The following NUBPL variants were observed in gnomAD, a reference collection of about 807,000 sequenced individuals.
NUBPL encodes NUBP iron-sulfur cluster assembly factor, mitochondrial.
A neutral mutation model predicts 45.7 loss-of-function variants in NUBPL; 31 were observed. That is an observed-to-expected ratio of 0.68 (90% CI 0.51 to 0.92). The LOEUF (loss-of-function observed/expected upper bound fraction) is 0.92. NUBPL is among the 40% of genes least tolerant of loss of function. The pLI, the probability that NUBPL is intolerant of heterozygous loss-of-function variation, is 0.00. For synonymous variants in NUBPL, 144 were observed against 140.9 expected (o/e 1.02, Z -0.15); for missense variants, 401 against 398.7 (o/e 1.01, Z -0.05).
intron 4 of NUBPL, among the ~76,000 whole-genome samples, chr14:31,667,564 ACTCTT>A (rs1443322677): frequency 2.0e-5 from 3 of 150,854 alleles, no homozygotes; most frequent in African/African-American, 2.4e-5. Context: ...AATTCGTCAT[ACTCTT>A]CTCTGTTCAG....
chr14:31,610,391 CCAA>C (rs1001779369), intron 4 of NUBPL, among the ~76,000 whole-genome samples: 2 of 151,666 alleles, frequency 1.3e-5, no homozygotes, highest in Admixed American at 6.6e-5. Flanking sequence ...CTTAAACAGA[CCAA>C]CAACAAGTAA....
chr14:31,571,164 C>T (rs1173868048), intron 3 of NUBPL, among the ~76,000 whole-genome samples: 1 of 152,222 alleles, frequency 6.6e-6, no homozygotes, highest in East Asian at 1.9e-4. Context: ...GTTTGTGTTA[C>T]CTTTCACCAG....
chr14:31,841,288 C>T (rs1450103495), intron 8 of NUBPL, among the ~76,000 whole-genome samples: 1 of 152,130 alleles, frequency 6.6e-6, no homozygotes, highest in African/African-American at 2.4e-5. Context: ...ATGATTGTAC[C>T]CATTTCCACT....
At chr14:31,784,671 CG>C (rs2039253325) in intron 6 of NUBPL, among the ~76,000 whole-genome samples, 1 of 149,164 alleles carries the variant, frequency 6.7e-6, no homozygotes, top group South Asian at 2.1e-4. Context: ...TGGGTAGTCT[CG>C]GGGTAACTAT....
At chr14:31,634,412 A>G (rs1179496887) in intron 4 of NUBPL, among the ~76,000 whole-genome samples, 2 of 152,006 alleles carry the variant, frequency 1.3e-5, no homozygotes, top group Non-Finnish European at 2.9e-5. Context: ...TACAAAGGAC[A>G]TGAACTCATC....
chr14:31,690,027 C>A (rs1176419110), intron 6 of NUBPL, among the ~76,000 whole-genome samples: 4 of 150,234 alleles, frequency 2.7e-5, no homozygotes, highest in African/African-American at 9.8e-5. Context: ...GTCTATGTGT[C>A]TATTTTTGTA....
chr14:31,711,768 G>A (rs10130262), intron 6 of NUBPL, among the ~76,000 whole-genome samples: 13,655 of 152,002 alleles, frequency 0.09, 764 homozygotes, highest in African/African-American at 0.16. Flanking sequence ...TAAAGGCAGT[G>A]CGTCTGGAGT....
intron 6 of NUBPL, among the ~76,000 whole-genome samples, chr14:31,737,641 G>C (rs886072215): frequency 8.5e-5 from 13 of 152,064 alleles, no homozygotes; most frequent in African/African-American, 3.1e-4. Flanking sequence ...AAAATTAGCC[G>C]GGCATGGTGG....
chr14:31,834,178 CT>C (rs34255943), intron 8 of NUBPL, among the ~76,000 whole-genome samples: 1,386 of 106,976 alleles, frequency 0.013, 9 homozygotes, highest in Admixed American at 0.051. Context: ...TGGCCTGGAA[CT>C]TTTTTTTTTT....
At chr14:31,727,903 T>C (rs2037961555) in intron 6 of NUBPL, among the ~76,000 whole-genome samples, 1 of 152,220 alleles carries the variant, frequency 6.6e-6, no homozygotes, top group South Asian at 2.1e-4. Context: ...TGGGAACTGT[T>C]GCATTTTAAT....
intron 5 of NUBPL, 33 bp downstream of exon 5, chr14:31,673,427 C>T (rs2036622334): frequency 1.2e-6 from 2 of 1,604,186 alleles, no homozygotes; most frequent in East Asian, 4.5e-5. Flanking sequence ...TGTTACTTTT[C>T]AGAATAATGT....
At chr14:31,602,005 A>T (rs1236003229) in intron 4 of NUBPL, among the ~76,000 whole-genome samples, 1 of 152,226 alleles carries the variant, frequency 6.6e-6, no homozygotes, top group African/African-American at 2.4e-5. Flanking sequence ...TCCAACAATG[A>T]TAGACTGGAT....
chr14:31,749,288 G>C (rs138632568), intron 6 of NUBPL, among the ~76,000 whole-genome samples: 2 of 152,146 alleles, frequency 1.3e-5, no homozygotes, highest in African/African-American at 2.4e-5. Context: ...CTGTGTATCT[G>C]TTCTACCTGA....
chr14:31,730,891 T>G lies in NUBPL; in HGVS notation c.514-56889T>G, dbSNP rs545601582. On this transcript the variant is annotated intron_variant, in intron 6 of 10. Coordinates refer to ENST00000281081, the MANE Select transcript of NUBPL (RefSeq NM_025152.3). ...CCAATGTGTCAGTTTATTTTTTTTTTAAACACATTATTCAGTGCACAGGCA... is the reference window on the plus strand; with the variant it reads ...CCAATGTGTCAGTTTATTTTTTTTTGAAACACATTATTCAGTGCACAGGCA... Among the ~76,000 whole-genome samples, 18 of 152,180 alleles carry G rather than the reference T, an allele frequency of 1.2e-4. No individual in the cohort carries two copies. In the East Asian group the frequency reaches 2.1e-3, roughly 18 times the overall value.
At chr14:31,691,993 A>G (rs2037104646) in intron 6 of NUBPL, among the ~76,000 whole-genome samples, 1 of 152,182 alleles carries the variant, frequency 6.6e-6, no homozygotes, top group Non-Finnish European at 1.5e-5. Flanking sequence ...TCATGAATGC[A>G]TTTTGTGATG....
At chr14:31,726,343 C>T (rs2037924339) in intron 6 of NUBPL, among the ~76,000 whole-genome samples, 1 of 152,174 alleles carries the variant, frequency 6.6e-6, no homozygotes. Flanking sequence ...TCATGTGAAA[C>T]AGGGATTTGT....
At chr14:31,693,516 A>G (rs1289274494) in intron 6 of NUBPL, among the ~76,000 whole-genome samples, 1 of 152,166 alleles carries the variant, frequency 6.6e-6, no homozygotes, top group African/African-American at 2.4e-5. Context: ...TTATGTTCTT[A>G]AGATATTAAG....
chr14:31,684,509 G>A (rs1206658479), intron 6 of NUBPL, among the ~76,000 whole-genome samples: 4 of 152,156 alleles, frequency 2.6e-5, no homozygotes, highest in Non-Finnish European at 4.4e-5. Context: ...GACCACTCTG[G>A]TGGTATGAAT....
chr14:31,666,494 AC>A (rs112654529), intron 4 of NUBPL, among the ~76,000 whole-genome samples: 5,486 of 151,708 alleles, frequency 0.036, 133 homozygotes, highest in African/African-American at 0.076. Flanking sequence ...CAAACTCATG[AC>A]CTTGTGATCT....
Sources: allele counts gnomAD v4.1 joint callset (sites outside exome capture counted in the v4.1 genomes callset), GRCh38; gene constraint gnomAD v4.1.1; transcripts MANE v1.5; gene names NCBI Gene and HGNC (gene_info 2026-07-23, HGNC 2026-07-21).